Variants in GPATCH1 observed in about 807,000 individuals in gnomAD.
GPATCH1 encodes G-patch domain containing 1.
In GPATCH1, 73 loss-of-function variants were observed where a neutral mutation model predicts 114.9. The ratio of observed to expected loss-of-function variants is 0.64; its 90% CI spans 0.53 to 0.77. The LOEUF (loss-of-function observed/expected upper bound fraction) is 0.77. GPATCH1 is among the 30% of genes least tolerant of loss of function. The pLI is 0.00. For synonymous variants in GPATCH1, 391 were observed against 428.4 expected (o/e 0.91, Z 1.08); for missense variants, 1,058 against 1,144.3 (o/e 0.92, Z 1.09).
In GPATCH1 at chr19:33,128,976, G is replaced by A. The variant is rs917085187; in HGVS notation, c.2766-1154G>A. Among the ~76,000 whole-genome samples, 9 of 152,080 alleles carry A rather than the reference G, an allele frequency of 5.9e-5. 1 individual carries two copies. In the South Asian group the frequency reaches 8.3e-4, roughly 14 times the overall value. ...TGAAATTCAGATTTAGGCCAGGTGC[G>A]GTATCTCACGTCTGTAATCCCAGCA... On this transcript the variant is annotated intron_variant, in intron 19 of 19. Transcript: ENST00000170564.
At chr19:33,116,973 T>G (rs1315375012) in intron 15 of GPATCH1, among the ~76,000 whole-genome samples, 1 of 152,062 alleles carries the variant, frequency 6.6e-6, no homozygotes, top group Non-Finnish European at 1.5e-5. Flanking sequence ...GGCAGGGGGC[T>G]TGTTTGAGGC....
At position 33,130,373 on chromosome 19, in the gene GPATCH1, A is replaced by C. The variant is rs1315311129; in HGVS notation, c.*213A>C. ...AGTTAGTATCGGGGGAAAAAAATCCAGACTGAACAGTTTAATTAAAGTGGA... is the reference window on the plus strand; with the variant it reads ...AGTTAGTATCGGGGGAAAAAAATCCCGACTGAACAGTTTAATTAAAGTGGA... On this transcript the variant is annotated 3_prime_UTR_variant, in exon 20 of 20. Transcript: ENST00000170564. 6.9e-6 allele frequency: 3 copies of C among 432,548 alleles called. No homozygotes were observed. Among genetic ancestry groups the C allele is most frequent in the Non-Finnish European group, 1.2e-5 (3 of 245,836 alleles). 26.8% of individuals were successfully genotyped at this position (432,548 alleles called of 1,614,324 possible). A position where few individuals can be genotyped will look rare whatever the true frequency, so the allele number is the denominator to read the frequency against.
chr19:33,125,222 C>T lies in GPATCH1; in HGVS notation c.2619+20C>T, dbSNP rs776240909. 55 of 1,578,534 alleles carry T rather than the reference C, an allele frequency of 3.5e-5. No individual in the cohort carries two copies. The highest frequency in any genetic ancestry group is 3.3e-4 in the Middle Eastern group (2 of 6,026). On this transcript the variant is annotated intron_variant, in intron 18 of 19. Coordinates refer to ENST00000170564, the MANE Select transcript of GPATCH1 (RefSeq NM_018025.3). ...GAGAAGGTGAGAGACTTGTGTGTACCCCAGGATCAGTGTGGGGTGGGACCC... is the reference window on the plus strand; with the variant it reads ...GAGAAGGTGAGAGACTTGTGTGTACTCCAGGATCAGTGTGGGGTGGGACCC...
rs1856815970 is a variant in GPATCH1, at chr19:33,103,564, G to A, written c.1080+1990G>A. Among the ~76,000 whole-genome samples, 4 of 152,086 alleles carry A rather than the reference G, an allele frequency of 2.6e-5. No homozygotes were observed. In the South Asian group the frequency reaches 8.3e-4, roughly 32 times the overall value. On this transcript the variant is annotated intron_variant, in intron 9 of 19. Transcript: ENST00000170564. ...AAAAATACAAAAATTAGCCAGGCAT[G>A]GTGGTACGTGTCTGTAAACCCAGCT...
rs146034500 is a variant in GPATCH1 at position 33,106,760 on chromosome 19, C to T, written c.1146C>T (p.Ala382=). The T allele has an allele frequency of 2.6e-4, 422 of 1,613,776 alleles. 2 individuals carry two copies. The East Asian group carries it at 7.5e-3, about 29-fold the overall frequency. ...RPVHYFRPMV[A]ATSENSHLLQ... ...TGCATTATTTCAGACCCATGGTGGC[C>T]GCCACCTCCGAGAACTCACACTTAC... Residue 382 remains alanine (A), a synonymous_variant, in exon 10 of 20, where the codon GCC becomes GCT. Transcript: ENST00000170564.
Position 33,111,787 on chromosome 19 carries a change from A to C in GPATCH1, c.1649A>C (p.Glu550Ala). ...TGGGAGCGAGGCCGTGAGCGGGATGAGTTTGCCCGGGCGGCCCTGCTGTAC... is the reference window on the plus strand; with the variant it reads ...TGGGAGCGAGGCCGTGAGCGGGATGCGTTTGCCCGGGCGGCCCTGCTGTAC... ...TEWERGRERD[E>A]FARAALLYAS... The change falls in exon 12 of 20, where the codon GAG (glutamate) becomes GCG (alanine). Residue 550 changes from glutamate to alanine, a missense_variant. Around this residue, in one of 3 missense-constraint regions of GPATCH1, gnomAD observed 893 missense variants for 977.4 expected, o/e 0.91. Transcript: ENST00000170564. The C allele has an allele frequency of 6.2e-7, 1 of 1,614,054 alleles. No individual in the cohort carries two copies. Among genetic ancestry groups the C allele is most frequent in the East Asian group, 2.2e-5 (1 of 44,866 alleles).
At chr19:33,104,569 C>T (rs4805028) in intron 9 of GPATCH1, among the ~76,000 whole-genome samples, 18,155 of 152,040 alleles carry the variant, frequency 0.12, 1,359 homozygotes, top group Admixed American at 0.27. Context: ...GTGCCAGGGG[C>T]TTGACCCAGG....
chr19:33,118,852 A>T (rs1415810016), intron 16 of GPATCH1, among the ~76,000 whole-genome samples, 158 bp from the exon 17 acceptor site: 1 of 152,218 alleles, frequency 6.6e-6, no homozygotes, highest in African/African-American at 2.4e-5. Context: ...CAAGGGCAGC[A>T]CCGGGGTCTG....
chr19:33,088,127 T>C lies in GPATCH1; in HGVS notation c.74-7T>C. 1.4e-6 allele frequency: 2 copies of C among 1,480,096 alleles called. No homozygotes were observed. The highest frequency in any genetic ancestry group is 9.0e-7 in the Non-Finnish European group (1 of 1,116,664). 91.7% of individuals were successfully genotyped at this position (1,480,096 alleles called of 1,614,324 possible). ...ATTTAAAAAACTTTTTTTTTTTTTT[T>C]TTTTAGGTGAAAGACCAAAGAAACC... On this transcript the variant is annotated splice_polypyrimidine_tract_variant and splice_region_variant and intron_variant, in intron 1 of 19. Coordinates refer to ENST00000170564, the MANE Select transcript of GPATCH1 (RefSeq NM_018025.3).
chr19:33,095,731 A>G, intron 5 of GPATCH1, 31 bp from the exon 6 acceptor site: 1 of 1,494,426 alleles, frequency 6.7e-7, no homozygotes, highest in Non-Finnish European at 9.3e-7. Flanking sequence ...GTAGTCACTC[A>G]TGACTATTGC....
At chr19:33,093,299 G>A (rs1365195354) in intron 3 of GPATCH1, 60 bp from the exon 4 acceptor site, 1 of 1,056,450 alleles carries the variant, frequency 9.5e-7, no homozygotes, top group Non-Finnish European at 1.4e-6. Context: ...ATAAAACTAT[G>A]TGATGTATTG....
At chr19:33,110,957 C>CA (rs969937473) in intron 11 of GPATCH1, among the ~76,000 whole-genome samples, 85 of 130,046 alleles carry the variant, frequency 6.5e-4, no homozygotes, top group African/African-American at 9.3e-4. Flanking sequence ...CTGCCTCTAC[C>CA]AAAAAAAAAA....
chr19:33,117,094 G>T (rs1346885341), intron 15 of GPATCH1, among the ~76,000 whole-genome samples: 1 of 152,064 alleles, frequency 6.6e-6, no homozygotes, highest in African/African-American at 2.4e-5. Context: ...TACTCAAGGG[G>T]CTACGGTTGG....
intron 8 of GPATCH1, among the ~76,000 whole-genome samples, chr19:33,099,701 C>A (rs185471373): frequency 6.6e-6 from 1 of 151,464 alleles, no homozygotes; most frequent in African/African-American, 2.4e-5. Context: ...CGGGTTCAAG[C>A]GATTCTCTTG....
chr19:33,105,889 C>T (rs1207955193), intron 9 of GPATCH1, among the ~76,000 whole-genome samples: 1 of 151,656 alleles, frequency 6.6e-6, no homozygotes, highest in Non-Finnish European at 1.5e-5. Flanking sequence ...TGTTTCAGCT[C>T]TGCACCGGGG....
chr19:33,126,980 A>T (rs893019379), intron 19 of GPATCH1, among the ~76,000 whole-genome samples: 2 of 151,970 alleles, frequency 1.3e-5, no homozygotes, highest in Admixed American at 1.3e-4. Context: ...ACAAACAAAA[A>T]ACAAATTAGC....
At chr19:33,085,439 T>C (rs538205698) in intron 1 of GPATCH1, among the ~76,000 whole-genome samples, 1 of 152,254 alleles carries the variant, frequency 6.6e-6, no homozygotes, top group East Asian at 1.9e-4. Context: ...CCACTGCTTC[T>C]AATGACTCGA....
chr19:33,106,824 G>T lies in GPATCH1; in HGVS notation c.1210G>T (p.Asp404Tyr). 2 of 1,614,026 alleles carry T rather than the reference G, an allele frequency of 1.2e-6. No homozygotes were observed. The highest frequency in any genetic ancestry group is 2.2e-5 in the South Asian group (2 of 91,044). The change falls in exon 10 of 20, where the codon GAC (aspartate) becomes TAC (tyrosine). Residue 404 changes from aspartate to tyrosine, a missense_variant. Physicochemically the swap from Asp to Tyr is radical, Grantham distance 160. Transcript: ENST00000170564. ...AGAGTCAGCTGGAAAGGCAACGCCT[G>T]ACCCAGGGACACACAGTAAGCACCA... ...LSESAGKATP[D>Y]PGTHSKHQLN...
chr19:33,114,797 CTTT>C (rs546074419), intron 15 of GPATCH1, among the ~76,000 whole-genome samples: 44 of 87,204 alleles, frequency 5.0e-4, no homozygotes, highest in African/African-American at 2.0e-3. Context: ...CTATTTCTCT[CTTT>C]TTTTTTTTTT....
Sources: allele counts gnomAD v4.1 joint callset (sites outside exome capture counted in the v4.1 genomes callset), GRCh38; gene constraint gnomAD v4.1.1; regional missense constraint gnomAD v4.1.1; transcripts MANE v1.5; gene names NCBI Gene and HGNC (gene_info 2026-07-23, HGNC 2026-07-21).